BSN: variants seen among roughly 807,000 people sequenced by gnomAD.
BSN encodes the protein bassoon presynaptic cytomatrix protein, also known as protein bassoon.
Under a neutral mutation model 264.8 loss-of-function variants are expected in BSN, and 57 were observed. The ratio of observed to expected loss-of-function variants is 0.22; its 90% CI spans 0.17 to 0.27. BSN has a LOEUF of 0.27. BSN is among the 10% of genes least tolerant of loss of function. The pLI is 1.00. For synonymous variants in BSN, 2,059 were observed against 2,137.3 expected (o/e 0.96, Z 1.01); for missense variants, 4,615 against 5,232.5 (o/e 0.88, Z 3.64).
chr3:49,592,099 A>ATTAT (rs940216921), intron 1 of BSN, among the ~76,000 whole-genome samples: 67 of 151,778 alleles, frequency 4.4e-4, no homozygotes, highest in South Asian at 1.3e-3. Flanking sequence ...TTATTTCTCA[A>ATTAT]TTATTTATTT....
At chr3:49,557,429 A>G (rs934376525) in intron 1 of BSN, among the ~76,000 whole-genome samples, 3 of 152,294 alleles carry the variant, frequency 2.0e-5, no homozygotes, top group Middle Eastern at 6.8e-3. Context: ...TTTTATTTAT[A>G]CATACACTCG....
chr3:49,592,688 T>C (rs1466350080), intron 1 of BSN, among the ~76,000 whole-genome samples: 1 of 151,248 alleles, frequency 6.6e-6, no homozygotes, highest in Non-Finnish European at 1.5e-5. Context: ...GAGGCGGAGC[T>C]TGCAGTGAGC....
At chr3:49,672,981 G>C (rs1164727017), downstream of BSN, among the ~76,000 whole-genome samples, 1 of 147,812 alleles carries the variant, frequency 6.8e-6, no homozygotes, top group Non-Finnish European at 1.5e-5. Flanking sequence ...GGGTTTCACC[G>C]TGTTAGCCAG....
chr3:49,634,612 G>A (rs2052407637), intron 2 of BSN, among the ~76,000 whole-genome samples: 1 of 152,028 alleles, frequency 6.6e-6, no homozygotes, highest in African/African-American at 2.4e-5. Flanking sequence ...GTCTGGTCTC[G>A]AAATCCTGAC....
intron 1 of BSN, among the ~76,000 whole-genome samples, chr3:49,613,298 C>CAGAACGAGAGAG (rs2052222980): frequency 1.2e-4 from 3 of 25,700 alleles, no homozygotes; most frequent in African/African-American, 3.1e-4. Flanking sequence ...TATACACACA[C>CAGAACGAGAGAG]AGAGCGAGAG....
chr3:49,593,996 G>T (rs1250749601), intron 1 of BSN, among the ~76,000 whole-genome samples: 1 of 151,856 alleles, frequency 6.6e-6, no homozygotes, highest in Admixed American at 6.6e-5. Flanking sequence ...TAGAGACAGG[G>T]TTTCACCGTG....
intron 1 of BSN, among the ~76,000 whole-genome samples, chr3:49,573,750 T>A (rs2051817382): frequency 6.8e-6 from 1 of 147,174 alleles, no homozygotes; most frequent in Non-Finnish European, 1.5e-5. Flanking sequence ...CTCTGCCTCC[T>A]AAGTTCAAGC....
intron 1 of BSN, among the ~76,000 whole-genome samples, chr3:49,609,629 A>G (rs2052187951): frequency 2.0e-5 from 3 of 152,164 alleles, no homozygotes; most frequent in Non-Finnish European, 4.4e-5. Flanking sequence ...CCTGACATGC[A>G]TATGGTGGGA....
chr3:49,660,546 C>T lies in BSN; in HGVS notation c.8701C>T (p.Pro2901Ser), dbSNP rs1041283835. The change falls in exon 6 of 12, where the codon CCT becomes TCT. Residue 2901 changes from proline to serine, a missense_variant. Physicochemically the swap from Pro to Ser is moderately conservative, Grantham distance 74. This residue lies in a region of BSN where 3,415 missense variants were observed against 3,866.4 expected (regional missense o/e 0.88). Coordinates refer to ENST00000296452, the MANE Select transcript of BSN (RefSeq NM_003458.4). This position sits in a 1 kb window ranked among gnomAD's most constrained non-coding sequence, Gnocchi z 7.1. ...GGTGAAGCGGACACTGCCCAGCCCC[C>T]CTCCAGAGGAGGCTCACCTTCCCCT... ...RKVKRTLPSP[P>S]PEEAHLPLAG... 2.5e-6 allele frequency: 4 copies of T among 1,580,788 alleles called. No homozygotes were observed. Among genetic ancestry groups the T allele is most frequent in the Non-Finnish European group, 3.4e-6 (4 of 1,161,936 alleles).
intron 1 of BSN, among the ~76,000 whole-genome samples, chr3:49,622,616 C>T (rs1226731071): frequency 6.6e-6 from 1 of 152,266 alleles, no homozygotes; most frequent in Non-Finnish European, 1.5e-5. Flanking sequence ...GAGGGGGCCA[C>T]AGCCCATTCA....
chr3:49,589,015 C>T (rs1575430468), intron 1 of BSN, among the ~76,000 whole-genome samples: 1 of 150,660 alleles, frequency 6.6e-6, no homozygotes, highest in African/African-American at 2.4e-5. Flanking sequence ...CCCGCGTTTA[C>T]GCCATTCTCC....
chr3:49,650,233 G>A (rs2052529953), intron 3 of BSN, among the ~76,000 whole-genome samples: 1 of 152,206 alleles, frequency 6.6e-6, no homozygotes, highest in Non-Finnish European at 1.5e-5. Context: ...TCAACTGCTG[G>A]ACTCCATACC....
In BSN at chr3:49,656,943, C is replaced by G; in HGVS notation, c.7387C>G (p.Gln2463Glu). The change falls in exon 5 of 12, where the codon CAG becomes GAG. Residue 2463 changes from glutamine (Q) to glutamate (E), a missense_variant. This residue lies in a region of BSN where 3,415 missense variants were observed against 3,866.4 expected (regional missense o/e 0.88). Coordinates refer to ENST00000296452, the MANE Select transcript of BSN (RefSeq NM_003458.4). ...EQIQQLQQQL[Q>E]QQLEEQKQRQ... ...GATCCAGCAGCTGCAGCAGCAGCTG[C>G]AGCAGCAGCTAGAGGAGCAGAAGCA... 2 of 1,601,442 alleles carry G rather than the reference C, an allele frequency of 1.2e-6. No individual in the cohort carries two copies. The highest frequency in any genetic ancestry group is 1.7e-6 in the Non-Finnish European group (2 of 1,172,992).
chr3:49,620,858 C>T (rs1272977154), intron 1 of BSN, among the ~76,000 whole-genome samples: 3 of 151,928 alleles, frequency 2.0e-5, no homozygotes, highest in Non-Finnish European at 4.4e-5. Flanking sequence ...TGCTGGTGTG[C>T]GCCTGTAGTC....
At chr3:49,581,937 AATGGTGTAATAAACATTGGC>A (rs912467273) in intron 1 of BSN, among the ~76,000 whole-genome samples, 3 of 152,288 alleles carry the variant, frequency 2.0e-5, no homozygotes, top group Admixed American at 2.0e-4. Flanking sequence ...TATTGTGAAT[AATGGTGTAATAAACATTGGC>A]ATTCAAGTAT....
Position 49,656,230 on chromosome 3 carries a change from A to G in BSN, c.6674A>G (p.Tyr2225Cys). 6.2e-7 allele frequency: 1 copy of G among 1,611,104 alleles called. No homozygotes were observed. Among genetic ancestry groups the G allele is most frequent in the Non-Finnish European group, 8.5e-7 (1 of 1,178,734 alleles). Residue 2225 changes from tyrosine to cysteine, a missense_variant, in exon 5 of 12, where the codon TAC becomes TGC. Physicochemically the swap from Tyr to Cys is radical, Grantham distance 194 (BLOSUM62 -2). Around this residue, in one of 3 missense-constraint regions of BSN, gnomAD observed 3,415 missense variants for 3,866.4 expected, o/e 0.88. Coordinates refer to ENST00000296452, the MANE Select transcript of BSN (RefSeq NM_003458.4). ...CGGCCCATGGTGCGTGGTGGCATGT[A>G]CAGGCCTTACGCATCTGGTGGAATC... ...VLRPMVRGGM[Y>C]RPYASGGITA...
Position 49,662,508 on chromosome 3 carries a change from C to T in BSN, c.10663C>T (p.Arg3555Cys), listed in dbSNP as rs1244093267. 23 of 1,611,366 alleles carry T rather than the reference C, an allele frequency of 1.4e-5. No individual in the cohort carries two copies. Among genetic ancestry groups the T allele is most frequent in the South Asian group, 5.5e-5 (5 of 90,704 alleles). Residue 3555 changes from arginine to cysteine, a missense_variant, in exon 6 of 12, where the codon CGT becomes TGT. Coordinates refer to ENST00000296452, the MANE Select transcript of BSN (RefSeq NM_003458.4). ...KDGPRAHAYK[R>C]EEGYILDDSH... ...CGGACCTCGGGCCCACGCATATAAGCGTGAGGAGGGCTACATCCTGGATGA... is the reference window on the plus strand; with the variant it reads ...CGGACCTCGGGCCCACGCATATAAGTGTGAGGAGGGCTACATCCTGGATGA...
At chr3:49,605,454 A>T (rs1456069860) in intron 1 of BSN, among the ~76,000 whole-genome samples, 9 of 19,248 alleles carry the variant, frequency 4.7e-4, no homozygotes, top group East Asian at 5.4e-3. Context: ...ATATTATATA[A>T]TATATATTAT....
Position 49,668,516 on chromosome 3 carries a change from C to G in BSN, c.*1031C>G, listed in dbSNP as rs913903257. The G allele has an allele frequency of 1.3e-5, 2 of 152,690 alleles. No individual in the cohort carries two copies. The highest frequency in any genetic ancestry group is 2.9e-5 in the Non-Finnish European group (2 of 68,072). 9.5% of individuals were successfully genotyped at this position (152,690 alleles called of 1,614,324 possible). A position where few individuals can be genotyped will look rare whatever the true frequency, so the allele number is the denominator to read the frequency against. On this transcript the variant is annotated 3_prime_UTR_variant, in exon 12 of 12. Coordinates refer to ENST00000296452, the MANE Select transcript of BSN (RefSeq NM_003458.4). The stretch of plus-strand genomic sequence containing the variant: ...TGGTTTCCTCTCTGCTCTGCCCCTG[C>G]TCAGCACAGGGAGAATGTTGACTTA...
Sources: gnomAD v4.1 joint callset for allele counts (sites outside exome capture counted in the v4.1 genomes callset) on GRCh38, gnomAD v4.1.1 for gene constraint, gnomAD v4.1.1 regional missense constraint, Gnocchi (gnomAD v3.1) non-coding constraint, MANE v1.5 for transcripts, NCBI Gene and HGNC (gene_info 2026-07-23, HGNC 2026-07-21) for gene names.